Variants in THADA observed in about 807,000 individuals in gnomAD.
The protein encoded by THADA is tRNA (32-2'-O)-methyltransferase regulator THADA.
A neutral mutation model predicts 219.8 loss-of-function variants in THADA; 213 were observed. The observed-to-expected ratio is 0.97, with a 90% CI of 0.87 to 1.09. The LOEUF is 1.09. Ranked by LOEUF, THADA falls within the 50% of genes least tolerant of loss-of-function variation. The pLI is 0.00. For synonymous variants in THADA, 1,018 were observed against 828.9 expected, an observed-to-expected ratio of 1.23 and a Z score of -3.92; for missense variants, 2,956 against 2,311.3, an observed-to-expected ratio of 1.28 and a Z score of -5.72.
intron 20 of THADA, 96 bp from the exon 21 acceptor site, chr2:43,541,412 G>T (rs893854229): frequency 7.1e-7 from 1 of 1,402,866 alleles, no homozygotes; most frequent in Non-Finnish European, 9.9e-7. Flanking sequence ...AGAATAATCT[G>T]CTTGAACAAA....
At chr2:43,300,651 G>C (rs1225164960) in intron 31 of THADA, among the ~76,000 whole-genome samples, 1 of 152,122 alleles carries the variant, frequency 6.6e-6, no homozygotes, top group Non-Finnish European at 1.5e-5. Context: ...AGTTAGGAGA[G>C]AACAGACACA....
intron 22 of THADA, among the ~76,000 whole-genome samples, chr2:43,510,871 T>G (rs1690324326): frequency 6.6e-6 from 1 of 151,374 alleles, no homozygotes; most frequent in East Asian, 1.9e-4. Flanking sequence ...CTCGGGAGGC[T>G]GAAGCAGGAG....
At chr2:43,335,908 C>G (rs1666360986) in intron 30 of THADA, among the ~76,000 whole-genome samples, 1 of 151,796 alleles carries the variant, frequency 6.6e-6, no homozygotes. Context: ...ACCATCCTGG[C>G]TAACATGGTG....
At chr2:43,509,239 G>T (rs1479272246) in intron 22 of THADA, among the ~76,000 whole-genome samples, 1 of 152,084 alleles carries the variant, frequency 6.6e-6, no homozygotes, top group Non-Finnish European at 1.5e-5. Flanking sequence ...CTCAAAATGA[G>T]GCCTACCACA....
At chr2:43,417,398 TTATA>T (rs1677133873) in intron 28 of THADA, among the ~76,000 whole-genome samples, 1 of 152,152 alleles carries the variant, frequency 6.6e-6, no homozygotes, top group African/African-American at 2.4e-5. Flanking sequence ...TGATTTCCTA[TTATA>T]ATAAGGAAAA....
In THADA at chr2:43,508,690, G is replaced by C; in HGVS notation, c.3465C>G (p.Leu1155=). Residue 1155 remains leucine, a synonymous_variant, in exon 23 of 38, where the codon CTC becomes CTG. Coordinates refer to ENST00000405975, the MANE Select transcript of THADA (RefSeq NM_022065.5). ...TTCCAGCACTGCGCCTTGTAGCACA[G>C]AGTTTAGATGAAGGATCACTGCATT... is the stretch of plus-strand genomic sequence containing the variant. ...EIKCSDPSSK[L]CATRRSAGIP... is the part of the protein sequence containing the mutation. 2.5e-6 allele frequency: 4 copies of C among 1,613,654 alleles called. No individual in the cohort carries two copies. Among genetic ancestry groups the C allele is most frequent in the Non-Finnish European group, 3.4e-6 (4 of 1,179,682 alleles).
chr2:43,580,544 T>C (rs1017935640), intron 8 of THADA, among the ~76,000 whole-genome samples: 1 of 152,056 alleles, frequency 6.6e-6, no homozygotes, highest in Non-Finnish European at 1.5e-5. Flanking sequence ...GAAATACTAA[T>C]TGGACAAAAT....
intron 28 of THADA, among the ~76,000 whole-genome samples, chr2:43,427,772 C>A (rs1043973341): frequency 5.4e-5 from 8 of 149,304 alleles, no homozygotes; most frequent in African/African-American, 2.0e-4. Flanking sequence ...CTGGCTAACA[C>A]AGTGAAACCC....
intron 28 of THADA, among the ~76,000 whole-genome samples, chr2:43,421,193 C>A (rs139028807): frequency 5.6e-4 from 85 of 152,338 alleles, no homozygotes; most frequent in Middle Eastern, 3.4e-3. Flanking sequence ...TGTGCCTCAA[C>A]AATCTGGTCC....
intron 26 of THADA, among the ~76,000 whole-genome samples, chr2:43,446,396 G>A (rs1435546585): frequency 6.6e-6 from 1 of 152,218 alleles, no homozygotes; most frequent in Non-Finnish European, 1.5e-5. Context: ...TCTGGCTTAA[G>A]CTTTACAAAG....
intron 17 of THADA, 167 bp downstream of exon 17, chr2:43,556,178 G>T: frequency 7.4e-7 from 1 of 1,350,244 alleles, no homozygotes; most frequent in Non-Finnish European, 9.7e-7. Context: ...AAGTATTATA[G>T]CTGACTAAAA....
intron 21 of THADA, among the ~76,000 whole-genome samples, chr2:43,539,365 G>T (rs1380031904): frequency 6.6e-6 from 1 of 152,158 alleles, no homozygotes. Flanking sequence ...AAGGTTTTAA[G>T]CACATGTAAG....
intron 17 of THADA, among the ~76,000 whole-genome samples, chr2:43,554,094 T>C (rs780108843): frequency 3.3e-5 from 5 of 152,202 alleles, no homozygotes; most frequent in South Asian, 2.1e-4. Context: ...TCCTTTCACA[T>C]ACAATAGTTT....
At chr2:43,433,067 C>T (rs1274258648) in intron 26 of THADA, among the ~76,000 whole-genome samples, 1 of 152,082 alleles carries the variant, frequency 6.6e-6, no homozygotes, top group African/African-American at 2.4e-5. Flanking sequence ...CGTATATCTT[C>T]CTCTAGAAGC....
intron 21 of THADA, among the ~76,000 whole-genome samples, chr2:43,538,754 T>C (rs941732769): frequency 6.6e-6 from 1 of 152,174 alleles, no homozygotes; most frequent in Non-Finnish European, 1.5e-5. Context: ...AGCTTCCTCT[T>C]GTCCAAGAGA....
intron 26 of THADA, among the ~76,000 whole-genome samples, chr2:43,471,040 TGAAAACA>T (rs1684847846): frequency 1.3e-5 from 2 of 152,178 alleles, no homozygotes; most frequent in Non-Finnish European, 2.9e-5. Flanking sequence ...ATAGGCCTAC[TGAAAACA>T]TACAGGTGTT....
chr2:43,459,020 A>T (rs1683331399), intron 26 of THADA, among the ~76,000 whole-genome samples: 1 of 152,212 alleles, frequency 6.6e-6, no homozygotes, highest in Non-Finnish European at 1.5e-5. Flanking sequence ...TATTCTAACA[A>T]ACAAAATTAT....
chr2:43,495,220 T>C (rs1336668010), intron 25 of THADA, among the ~76,000 whole-genome samples: 1 of 152,208 alleles, frequency 6.6e-6, no homozygotes. Context: ...TAGATTTTTA[T>C]ACAGAAGAAA....
chr2:43,489,038 T>C (rs892726521), intron 25 of THADA, among the ~76,000 whole-genome samples: 1 of 152,216 alleles, frequency 6.6e-6, no homozygotes, highest in Admixed American at 6.5e-5. Flanking sequence ...GAGTTCTTTA[T>C]ATATTCTGGA....
Sources: gnomAD v4.1 joint callset for allele counts (sites outside exome capture counted in the v4.1 genomes callset) on GRCh38, gnomAD v4.1.1 for gene constraint, MANE v1.5 for transcripts, NCBI Gene and HGNC (gene_info 2026-07-23, HGNC 2026-07-21) for gene names.